Variants in XKR4 observed in about 807,000 individuals in gnomAD.
The protein encoded by XKR4 is XK related 4, also known as XK-related protein 4.
XKR4 carries 12 observed loss-of-function variants against 53.9 expected under a neutral mutation model. The ratio of observed to expected loss-of-function variants is 0.22; its 90% CI spans 0.14 to 0.36. The LOEUF (loss-of-function observed/expected upper bound fraction) is 0.36. Ranked by LOEUF, XKR4 falls within the 10% of genes least tolerant of loss-of-function variation. XKR4 has a pLI of 1.00. For missense variants in XKR4, 799 were observed against 859.5 expected (o/e 0.93, Z 0.88); for synonymous variants, 354 against 362.4 (o/e 0.98, Z 0.26).
At chr8:55,378,702 A>G (rs1451547066) in intron 2 of XKR4, among the ~76,000 whole-genome samples, 1 of 152,224 alleles carries the variant, frequency 6.6e-6, no homozygotes, top group African/African-American at 2.4e-5. Flanking sequence ...AGAGAGAGAC[A>G]GAAATGGAGA....
chr8:55,197,698 C>T (rs1305799578), intron 1 of XKR4, among the ~76,000 whole-genome samples: 1 of 152,110 alleles, frequency 6.6e-6, no homozygotes, highest in African/African-American at 2.4e-5. Flanking sequence ...CACCCGCCAC[C>T]ACGCCTGGCT....
chr8:55,507,515 C>T (rs1189633333), intron 2 of XKR4, among the ~76,000 whole-genome samples: 1 of 152,172 alleles, frequency 6.6e-6, no homozygotes, highest in Non-Finnish European at 1.5e-5. Flanking sequence ...CCGCACCCTA[C>T]AACAGGCCCC....
chr8:55,225,417 C>T (rs1032258768), intron 1 of XKR4, among the ~76,000 whole-genome samples: 12 of 152,226 alleles, frequency 7.9e-5, no homozygotes, highest in African/African-American at 2.9e-4. Flanking sequence ...AGCCATTTTG[C>T]ATTGCCCACA....
At chr8:55,114,813 G>C (rs1428699515) in intron 1 of XKR4, among the ~76,000 whole-genome samples, 1 of 152,186 alleles carries the variant, frequency 6.6e-6, no homozygotes, top group Non-Finnish European at 1.5e-5. Context: ...AAGATCAGTT[G>C]CTGAGAATAA....
Position 55,524,330 on chromosome 8 carries a change from G to T in XKR4, c.*103G>T, listed in dbSNP as rs1467142812. The T allele has an allele frequency of 4.4e-6, 5 of 1,149,138 alleles. No homozygotes were observed. Among genetic ancestry groups the T allele is most frequent in the African/African-American group, 1.6e-5 (1 of 63,994 alleles). The allele number at this position is 1,149,138 out of a possible 1,614,324, so 71.2% of individuals were successfully genotyped here. On this transcript the variant is annotated 3_prime_UTR_variant, in exon 3 of 3. Coordinates refer to ENST00000327381, the MANE Select transcript of XKR4 (RefSeq NM_052898.2). ...CTAGAGCAGGGCAGTGAGCCGTGAA[G>T]TTCCTAGTGGGACCGTCATCACCAT... is the stretch of plus-strand genomic sequence containing the variant.
intron 2 of XKR4, among the ~76,000 whole-genome samples, chr8:55,387,337 T>G (rs2129388203): frequency 7.0e-6 from 1 of 143,060 alleles, no homozygotes; most frequent in East Asian, 2.1e-4. Context: ...TCACCTTCTT[T>G]ATTGCTCACC....
chr8:55,363,944 T>G (rs970722988), intron 2 of XKR4, among the ~76,000 whole-genome samples: 1 of 152,250 alleles, frequency 6.6e-6, no homozygotes, highest in Non-Finnish European at 1.5e-5. Flanking sequence ...TACTAAAAGT[T>G]TATAATGTGA....
chr8:55,363,301 T>C (rs189582452), intron 2 of XKR4, among the ~76,000 whole-genome samples: 28 of 152,272 alleles, frequency 1.8e-4, no homozygotes, highest in Non-Finnish European at 3.5e-4. Context: ...CATTCCTTCA[T>C]ATTCTAGAAG....
chr8:55,327,930 A>G (rs1263056989), intron 1 of XKR4, among the ~76,000 whole-genome samples: 1 of 152,238 alleles, frequency 6.6e-6, no homozygotes, highest in Non-Finnish European at 1.5e-5. Flanking sequence ...TGTGATAAAA[A>G]TGCTAGTATC....
chr8:55,396,399 G>GTTTTTTTTTTTTTTTTTT (rs71256534), intron 2 of XKR4, among the ~76,000 whole-genome samples: 2 of 88,746 alleles, frequency 2.3e-5, no homozygotes, highest in Non-Finnish European at 2.0e-5. Flanking sequence ...TTTTTGTTTG[G>GTTTTTTTTTTTTTTTTTT]TTTTTTTTTT....
chr8:55,271,498 A>C (rs1196981286), intron 1 of XKR4, among the ~76,000 whole-genome samples: 1 of 152,236 alleles, frequency 6.6e-6, no homozygotes, highest in Non-Finnish European at 1.5e-5. Context: ...ACCAAATAGA[A>C]AAGAAGCAAA....
chr8:55,376,829 A>C (rs1314690275), intron 2 of XKR4, among the ~76,000 whole-genome samples: 4 of 151,942 alleles, frequency 2.6e-5, no homozygotes, highest in African/African-American at 9.7e-5. Flanking sequence ...CTAATAAATG[A>C]GTCATCAAAA....
chr8:55,380,124 A>G (rs1238128575), intron 2 of XKR4, among the ~76,000 whole-genome samples: 1 of 152,218 alleles, frequency 6.6e-6, no homozygotes, highest in African/African-American at 2.4e-5. Context: ...TGAATGCTCC[A>G]TTGGTTCTGA....
At chr8:55,294,001 T>C (rs1033558403) in intron 1 of XKR4, among the ~76,000 whole-genome samples, 2 of 152,204 alleles carry the variant, frequency 1.3e-5, no homozygotes, top group African/African-American at 4.8e-5. Flanking sequence ...ATTAACCCAT[T>C]GAAATACTTC....
chr8:55,202,879 C>T (rs1228328464), intron 1 of XKR4, among the ~76,000 whole-genome samples: 1 of 151,460 alleles, frequency 6.6e-6, no homozygotes, highest in Non-Finnish European at 1.5e-5. Context: ...AAGCTCATTG[C>T]AAAGTCTGCA....
At chr8:55,135,163 T>C (rs1479274258) in intron 1 of XKR4, 1 of 155,000 alleles carries the variant, frequency 6.5e-6, no homozygotes, top group Non-Finnish European at 1.4e-5. Context: ...CACACATACA[T>C]GGCTTGAAAG....
chr8:55,482,727 G>A (rs750720759), intron 2 of XKR4, among the ~76,000 whole-genome samples: 3 of 151,932 alleles, frequency 2.0e-5, no homozygotes, highest in African/African-American at 7.3e-5. Context: ...TACACTCAAA[G>A]GGTTATAATA....
chr8:55,296,923 T>A (rs1409392448), intron 1 of XKR4, among the ~76,000 whole-genome samples: 1 of 152,322 alleles, frequency 6.6e-6, no homozygotes, highest in East Asian at 1.9e-4. Flanking sequence ...AGTTAATACA[T>A]TTGGGTTCTT....
Position 55,476,684 on chromosome 8 carries a change from C to T in XKR4, c.1007-46597C>T, listed in dbSNP as rs1443587737. 2.6e-5 allele frequency among the ~76,000 whole-genome samples: 4 copies of T among 152,080 alleles called. 1 individual carries two copies. The highest frequency in any genetic ancestry group is 9.7e-5 in the African/African-American group (4 of 41,352). ...AGACGGCACCTGGAAAATCAGGTCA[C>T]TCCCACCCTAATACTGCGCTTTTCC... On this transcript the variant is annotated intron_variant, in intron 2 of 2. Transcript: ENST00000327381.
Sources: allele counts gnomAD v4.1 joint callset (sites outside exome capture counted in the v4.1 genomes callset), GRCh38; gene constraint gnomAD v4.1.1; transcripts MANE v1.5; gene names NCBI Gene and HGNC (gene_info 2026-07-23, HGNC 2026-07-21).